Variants in SORBS2 observed in about 807,000 individuals in gnomAD.
SORBS2 encodes the protein sorbin and SH3 domain-containing protein 2.
Under a neutral mutation model 97.7 loss-of-function variants are expected in SORBS2, and 46 were observed. The ratio of observed to expected loss-of-function variants is 0.47; its 90% CI spans 0.37 to 0.60. The LOEUF (loss-of-function observed/expected upper bound fraction) is 0.60, where lower values mean the gene tolerates loss of function less well. SORBS2 is among the 20% of genes least tolerant of loss of function. The pLI, the probability that SORBS2 is intolerant of heterozygous loss-of-function variation, is 0.00. For missense variants in SORBS2, 1,316 were observed against 1,282.3 expected (o/e 1.03, Z -0.40); for synonymous variants, 476 against 473.4 (o/e 1.01, Z -0.07).
At chr4:185,594,526 T>C (rs2096037073) in intron 12 of SORBS2, among the ~76,000 whole-genome samples, 1 of 152,216 alleles carries the variant, frequency 6.6e-6, no homozygotes, top group Non-Finnish European at 1.5e-5. Context: ...AACTTTGGAA[T>C]GCAACGAACA....
chr4:185,719,470 C>T (rs1468532475), intron 2 of SORBS2, among the ~76,000 whole-genome samples: 1 of 152,230 alleles, frequency 6.6e-6, no homozygotes, highest in Admixed American at 6.5e-5. Context: ...GGATCAGTTT[C>T]TGCAACTCCA....
chr4:185,941,208 T>C (rs2099271824), intron 1 of SORBS2, among the ~76,000 whole-genome samples: 1 of 152,194 alleles, frequency 6.6e-6, no homozygotes. Flanking sequence ...AATCCTCATG[T>C]TCCAACCATA....
chr4:185,598,971 G>A (rs2096187610), intron 12 of SORBS2, among the ~76,000 whole-genome samples: 1 of 152,164 alleles, frequency 6.6e-6, no homozygotes, highest in African/African-American at 2.4e-5. Flanking sequence ...TGCAAAAGAA[G>A]CTTATGTTTT....
chr4:185,638,400 TGGCATAAGTTGTG>T (rs2097061120), intron 4 of SORBS2, among the ~76,000 whole-genome samples: 1 of 152,182 alleles, frequency 6.6e-6, no homozygotes, highest in African/African-American at 2.4e-5. Context: ...CGTTTCTGAT[TGGCATAAGTTGTG>T]GGCAACTCTT....
At chr4:185,778,462 G>A (rs943707382) in intron 1 of SORBS2, among the ~76,000 whole-genome samples, 4 of 151,970 alleles carry the variant, frequency 2.6e-5, no homozygotes, top group African/African-American at 7.3e-5. Flanking sequence ...AAAACCTCAG[G>A]CCCCACCCAG....
At chr4:185,751,172 TAAAAA>T (rs71593649) in intron 2 of SORBS2, among the ~76,000 whole-genome samples, 6 of 31,706 alleles carry the variant, frequency 1.9e-4, no homozygotes, top group African/African-American at 2.2e-4. Context: ...CTCTAAATAC[TAAAAA>T]AAAAAAAAAA....
exon 3 of SORBS2, chr4:185,649,536 G>C (rs777179618): frequency 6.2e-7 from 1 of 1,606,300 alleles, no homozygotes; most frequent in South Asian, 1.1e-5. Context: ...GGGAGGCACT[G>C]GGGAGGACGC....
intron 1 of SORBS2, among the ~76,000 whole-genome samples, chr4:185,917,896 G>T (rs1446724266): frequency 6.6e-6 from 1 of 152,112 alleles, no homozygotes; most frequent in Non-Finnish European, 1.5e-5. Flanking sequence ...AACAGTTTGT[G>T]TTTTTTCCAC....
intron 1 of SORBS2, among the ~76,000 whole-genome samples, chr4:185,908,561 C>T (rs900296805): frequency 5.3e-5 from 8 of 151,450 alleles, no homozygotes; most frequent in Non-Finnish European, 8.8e-5. Context: ...ATCTGTCTGT[C>T]GAGTAAACTC....
chr4:185,657,037 G>T, upstream of SORBS2: 1 of 590,104 alleles, frequency 1.7e-6, no homozygotes, highest in Non-Finnish European at 2.2e-6. Flanking sequence ...TGCTTTATTC[G>T]CAATGCATGT....
intron 1 of SORBS2, among the ~76,000 whole-genome samples, chr4:185,923,817 A>G (rs1455800212): frequency 6.6e-6 from 1 of 152,230 alleles, no homozygotes; most frequent in African/African-American, 2.4e-5. Context: ...TACATTTAAA[A>G]AAAAATTCTG....
chr4:185,821,044 C>T (rs1338381536), intron 1 of SORBS2, among the ~76,000 whole-genome samples: 4 of 152,246 alleles, frequency 2.6e-5, no homozygotes, highest in Admixed American at 1.3e-4. Context: ...GGTCAGATTA[C>T]TAAAGCACTG....
chr4:185,669,369 T>A (rs2097672492), intron 4 of SORBS2, among the ~76,000 whole-genome samples: 1 of 152,150 alleles, frequency 6.6e-6, no homozygotes, highest in Non-Finnish European at 1.5e-5. Flanking sequence ...CGATGAAAAT[T>A]AAAGCTTACT....
At chr4:185,667,225 G>A (rs1329656109) in intron 4 of SORBS2, among the ~76,000 whole-genome samples, 2 of 152,200 alleles carry the variant, frequency 1.3e-5, no homozygotes, top group African/African-American at 4.8e-5. Flanking sequence ...GGTATTGTGA[G>A]ATATTAGTAC....
chr4:185,726,482 C>T (rs757622150), intron 2 of SORBS2, among the ~76,000 whole-genome samples: 7 of 152,004 alleles, frequency 4.6e-5, no homozygotes, highest in Non-Finnish European at 1.0e-4. Flanking sequence ...CCAAAGTTTT[C>T]AGGGACCATT....
At chr4:185,922,038 T>C (rs1282125938) in intron 1 of SORBS2, among the ~76,000 whole-genome samples, 8 of 152,224 alleles carry the variant, frequency 5.3e-5, no homozygotes, top group Non-Finnish European at 1.0e-4. Context: ...ATGAATGGAT[T>C]TGGTTATCAA....
At chr4:185,743,836 C>T (rs2098742192) in intron 2 of SORBS2, among the ~76,000 whole-genome samples, 1 of 150,096 alleles carries the variant, frequency 6.7e-6, no homozygotes, top group Non-Finnish European at 1.5e-5. Flanking sequence ...TATCTTCTTT[C>T]CTCCTCCTCC....
chr4:185,738,074 C>T (rs1411611769), intron 2 of SORBS2, among the ~76,000 whole-genome samples: 1 of 152,224 alleles, frequency 6.6e-6, no homozygotes, highest in Non-Finnish European at 1.5e-5. Flanking sequence ...GTGCTGTCCA[C>T]GCCTTCCTCA....
rs2098548164 is a variant in SORBS2, at chr4:185,725,338, T to C, written c.-197-46516A>G. ...TGGATATTCTAACTACCCACTTGTG[T>C]TCAAAGGAGAAGCGGCATTTGAGAA... On this transcript the variant is annotated intron_variant, in intron 2 of 20. Coordinates refer to the SORBS2 transcript ENST00000284776. Among the ~76,000 whole-genome samples the C allele has an allele frequency of 2.0e-5, 3 of 152,190 alleles. No individual in the cohort carries two copies. The South Asian group carries it at 6.2e-4, about 32-fold the overall frequency.
Sources: allele counts gnomAD v4.1 joint callset (sites outside exome capture counted in the v4.1 genomes callset), GRCh38; gene constraint gnomAD v4.1.1; transcripts MANE v1.5; gene names NCBI Gene and HGNC (gene_info 2026-07-23, HGNC 2026-07-21).